The following R3HDM1 variants were observed in gnomAD, a reference collection of about 807,000 sequenced individuals.
The protein encoded by R3HDM1 is R3H domain-containing protein 1.
In R3HDM1, 46 loss-of-function variants were observed where a neutral mutation model predicts 141.1. The observed-to-expected ratio is 0.33, with a 90% CI of 0.26 to 0.42. R3HDM1 has a LOEUF of 0.42. Ranked by LOEUF, R3HDM1 falls within the 10% of genes least tolerant of loss-of-function variation. The pLI is 1.00. For missense variants in R3HDM1, 1,184 were observed against 1,368.3 expected (o/e 0.87, Z 2.12); for synonymous variants, 435 against 472.9 (o/e 0.92, Z 1.04).
At position 135,631,778 on chromosome 2, in the gene R3HDM1, G is replaced by A; in HGVS notation, c.557+1G>A. ...TTTTAGATTTCATTGGTAATAATGAGTAAGTCCTGACATTCAACAAGAAAA... is the reference window on the plus strand; with the variant it reads ...TTTTAGATTTCATTGGTAATAATGAATAAGTCCTGACATTCAACAAGAAAA... On this transcript the variant is annotated splice_donor_variant, in intron 8 of 26. Transcript: ENST00000683871. LOFTEE classifies it high-confidence loss of function. 6.4e-7 allele frequency: 1 copy of A among 1,573,320 alleles called. No individual in the cohort carries two copies. The highest frequency in any genetic ancestry group is 8.6e-7 in the Non-Finnish European group (1 of 1,163,210).
chr2:135,610,121 C>T (rs2060398965), intron 3 of R3HDM1, among the ~76,000 whole-genome samples: 1 of 152,070 alleles, frequency 6.6e-6, no homozygotes, highest in Admixed American at 6.6e-5. Flanking sequence ...ATATAAAATT[C>T]AGAACTCTGT....
chr2:135,536,733 A>G (rs985588428), intron 1 of R3HDM1: 12 of 981,640 alleles, frequency 1.2e-5, no homozygotes, highest in African/African-American at 5.2e-5. Context: ...AACCTGTCCT[A>G]TAAGGCAGAG....
intron 21 of R3HDM1, among the ~76,000 whole-genome samples, chr2:135,692,087 G>GT (rs2072486857): frequency 6.6e-6 from 1 of 151,752 alleles, no homozygotes; most frequent in Admixed American, 6.6e-5. Context: ...TAATTTTTGT[G>GT]TTTTTAGTGT....
chr2:135,536,335 A>G (rs1395895218), intron 1 of R3HDM1, among the ~76,000 whole-genome samples: 3 of 152,132 alleles, frequency 2.0e-5, no homozygotes, highest in African/African-American at 7.2e-5. Context: ...TAGTAGAGAC[A>G]GGTTCTTACT....
chr2:135,620,183 G>T, intron 5 of R3HDM1: 1 of 462,126 alleles, frequency 2.2e-6, no homozygotes, highest in Non-Finnish European at 2.8e-6. Context: ...GATCTAAGAG[G>T]AGGTAGTGTG....
chr2:135,666,810 A>G (rs1460599012), intron 19 of R3HDM1, among the ~76,000 whole-genome samples: 1 of 152,082 alleles, frequency 6.6e-6, no homozygotes, highest in Non-Finnish European at 1.5e-5. Context: ...CCCACCTACT[A>G]AAATAGTGCC....
chr2:135,672,733 GTGTT>G (rs1317831394), intron 19 of R3HDM1, among the ~76,000 whole-genome samples: 1 of 152,132 alleles, frequency 6.6e-6, no homozygotes, highest in East Asian at 1.9e-4. Context: ...GAGAGTGCGT[GTGTT>G]TGTGTGTGTG....
At chr2:135,694,732 G>A (rs55863166) in intron 21 of R3HDM1, among the ~76,000 whole-genome samples, 5,836 of 152,216 alleles carry the variant, frequency 0.038, 390 homozygotes, top group African/African-American at 0.13. Context: ...AAGGTAGCTA[G>A]AGTTTACAGG....
intron 1 of R3HDM1, among the ~76,000 whole-genome samples, chr2:135,556,873 A>G (rs907631240): frequency 6.6e-6 from 1 of 152,152 alleles, no homozygotes; most frequent in South Asian, 2.1e-4. Flanking sequence ...AAAAAAAACT[A>G]TTAAAATTCC....
chr2:135,705,558 C>T (rs1575148147), intron 21 of R3HDM1, among the ~76,000 whole-genome samples: 1 of 152,036 alleles, frequency 6.6e-6, no homozygotes, highest in African/African-American at 2.4e-5. Flanking sequence ...ATCACTTGAG[C>T]CCAAGTGTTC....
intron 1 of R3HDM1, among the ~76,000 whole-genome samples, chr2:135,541,303 G>A (rs1290842120): frequency 6.6e-6 from 1 of 152,198 alleles, no homozygotes; most frequent in East Asian, 1.9e-4. Flanking sequence ...CGCCTCCTGG[G>A]TTCACATCAT....
At chr2:135,667,873 C>T (rs2067770211) in intron 19 of R3HDM1, 1 of 578,554 alleles carries the variant, frequency 1.7e-6, no homozygotes, top group African/African-American at 2.0e-5. Context: ...AGGAACCTAA[C>T]CTACAATGCC....
chr2:135,685,680 T>C (rs1361098887), intron 21 of R3HDM1, among the ~76,000 whole-genome samples: 1 of 152,180 alleles, frequency 6.6e-6, no homozygotes, highest in Non-Finnish European at 1.5e-5. Flanking sequence ...CCCACTGATC[T>C]GATACCAGGG....
At chr2:135,674,122 C>T (rs978450586) in intron 19 of R3HDM1, among the ~76,000 whole-genome samples, 8 of 152,118 alleles carry the variant, frequency 5.3e-5, no homozygotes, top group Non-Finnish European at 8.8e-5. Flanking sequence ...CTGGATATAC[C>T]TTGTGGTTAT....
chr2:135,577,598 G>T (rs980936227), intron 1 of R3HDM1, among the ~76,000 whole-genome samples: 1 of 151,910 alleles, frequency 6.6e-6, no homozygotes, highest in Non-Finnish European at 1.5e-5. Flanking sequence ...CACTTTGGGA[G>T]GCCAAGGTGG....
At chr2:135,604,595 C>T (rs1025685391) in intron 2 of R3HDM1, among the ~76,000 whole-genome samples, 2 of 152,148 alleles carry the variant, frequency 1.3e-5, no homozygotes, top group Admixed American at 1.3e-4. Context: ...GTGCCTGGCT[C>T]ACATACTTTC....
chr2:135,611,243 A>T (rs2060518294), intron 3 of R3HDM1, among the ~76,000 whole-genome samples: 1 of 151,144 alleles, frequency 6.6e-6, no homozygotes, highest in African/African-American at 2.4e-5. Context: ...GCAACATGGC[A>T]AATCCCCATC....
At chr2:135,594,986 C>CG (rs1553550445) in intron 1 of R3HDM1, among the ~76,000 whole-genome samples, 11 of 151,900 alleles carry the variant, frequency 7.2e-5, no homozygotes, top group South Asian at 4.2e-4. Context: ...CACCCCCCCC[C>CG]CTTTTCAATG....
intron 1 of R3HDM1, among the ~76,000 whole-genome samples, chr2:135,562,746 G>A (rs1702029423): frequency 6.6e-6 from 1 of 152,080 alleles, no homozygotes; most frequent in Admixed American, 6.6e-5. Flanking sequence ...ACTTTATCAG[G>A]TATCTTTTTA....
Sources: allele counts gnomAD v4.1 joint callset (sites outside exome capture counted in the v4.1 genomes callset), GRCh38; gene constraint gnomAD v4.1.1; transcripts MANE v1.5; gene names NCBI Gene and HGNC (gene_info 2026-07-23, HGNC 2026-07-21).